Variants in GLIS3 observed in about 807,000 individuals in gnomAD.
GLIS3 encodes the protein GLIS family zinc finger 3, also known as zinc finger protein GLIS3.
Under a neutral mutation model 78.6 loss-of-function variants are expected in GLIS3, and 53 were observed. That is an observed-to-expected ratio of 0.67 (90% confidence interval 0.54 to 0.85). The LOEUF is 0.85. GLIS3 is among the 40% of genes least tolerant of loss of function. GLIS3 has a pLI of 0.00. For missense variants in GLIS3, 1,703 were observed against 1,231.1 expected, an observed-to-expected ratio of 1.38 and a Z score of -5.74; for synonymous variants, 684 against 509.9, an observed-to-expected ratio of 1.34 and a Z score of -4.60.
In GLIS3 at chr9:4,299,622, G is replaced by A. The variant is rs1378603683; in HGVS notation, c.-300C>T. Reference sequence around the variant, plus strand: ...GACGGAGCGCGGAAACCCGGCCCAAGTGCCGTGTGTGCGCGCGCGTCTGCG... The same window carrying A: ...GACGGAGCGCGGAAACCCGGCCCAAATGCCGTGTGTGCGCGCGCGTCTGCG... On this transcript the variant is annotated 5_prime_UTR_variant, in exon 1 of 11. Coordinates refer to ENST00000381971, the MANE Select transcript of GLIS3 (RefSeq NM_001042413.2). 6.6e-6 allele frequency: 1 copy of A among 152,656 alleles called. No individual in the cohort carries two copies. Among genetic ancestry groups the A allele is most frequent in the Non-Finnish European group, 1.5e-5 (1 of 68,094 alleles). The allele number at this position is 152,656 out of a possible 1,614,324, so 9.5% of individuals were successfully genotyped here.
At chr9:4,249,458 A>G (rs1001214557) in intron 2 of GLIS3, among the ~76,000 whole-genome samples, 20 of 152,188 alleles carry the variant, frequency 1.3e-4, no homozygotes, top group African/African-American at 4.8e-4. Flanking sequence ...TGATTTCTGC[A>G]CATTGATTTT....
At chr9:4,061,532 C>T (rs531697191) in intron 4 of GLIS3, among the ~76,000 whole-genome samples, 2 of 152,202 alleles carry the variant, frequency 1.3e-5, no homozygotes, top group African/African-American at 4.8e-5. Flanking sequence ...GGAGGACTTT[C>T]CATTCTAGAC....
chr9:4,371,183 C>G, the GLIS3 span, among the ~76,000 whole-genome samples: 1 of 152,198 alleles, frequency 6.6e-6, no homozygotes, highest in Admixed American at 6.5e-5. Context: ...TTGGCAGCTC[C>G]TCTGTTCCTC....
the GLIS3 span, among the ~76,000 whole-genome samples, chr9:4,401,283 G>C: frequency 6.6e-6 from 1 of 152,170 alleles, no homozygotes; most frequent in Non-Finnish European, 1.5e-5. Context: ...TTTTGAGACA[G>C]AGTTTCACTC....
chr9:4,112,589 G>A (rs974438650), intron 4 of GLIS3, among the ~76,000 whole-genome samples: 7 of 152,272 alleles, frequency 4.6e-5, no homozygotes, highest in African/African-American at 1.4e-4. Context: ...GATGATTCCA[G>A]TGTCAGCCAG....
intron 6 of GLIS3, among the ~76,000 whole-genome samples, chr9:3,913,307 C>T (rs948556261): frequency 5.3e-5 from 8 of 152,184 alleles, no homozygotes; most frequent in Non-Finnish European, 8.8e-5. Context: ...CAATGGAGAG[C>T]ACTTGCTTTT....
intron 2 of GLIS3, among the ~76,000 whole-genome samples, chr9:4,332,412 C>G (rs1249534485): frequency 6.6e-6 from 1 of 152,220 alleles, no homozygotes; most frequent in Non-Finnish European, 1.5e-5. Flanking sequence ...AGACTAACAT[C>G]CCTGCCTTCC....
intron 4 of GLIS3, among the ~76,000 whole-genome samples, chr9:4,114,977 T>C (rs554457728): frequency 6.6e-6 from 1 of 152,342 alleles, no homozygotes; most frequent in East Asian, 1.9e-4. Flanking sequence ...CAGGGAGTTA[T>C]GGTCAGAGAT....
intron 1 of GLIS3, among the ~76,000 whole-genome samples, chr9:4,293,563 G>A (rs373875561): frequency 2.6e-5 from 4 of 152,302 alleles, no homozygotes; most frequent in Non-Finnish European, 4.4e-5. Context: ...GGAATCTATC[G>A]GTCATGCTGA....
intron 4 of GLIS3, among the ~76,000 whole-genome samples, chr9:3,974,681 T>G (rs560309485): frequency 3.3e-5 from 5 of 152,148 alleles, no homozygotes; most frequent in Non-Finnish European, 7.4e-5. Context: ...ATTCATATTT[T>G]TTTTTCCACC....
chr9:3,875,049 G>A (rs1220329102), intron 8 of GLIS3, among the ~76,000 whole-genome samples: 2 of 152,162 alleles, frequency 1.3e-5, no homozygotes, highest in Non-Finnish European at 1.5e-5. Flanking sequence ...TAAAATTTCT[G>A]CATTTCAAAA....
At chr9:4,396,457 C>T in the GLIS3 span, among the ~76,000 whole-genome samples, 2 of 152,292 alleles carry the variant, frequency 1.3e-5, no homozygotes, top group African/African-American at 2.4e-5. Flanking sequence ...CAGATACAAA[C>T]ATTTCATCAT....
chr9:4,308,791 A>G (rs1040017126), exon 4 of GLIS3: 1 of 152,238 alleles, frequency 6.6e-6, no homozygotes, highest in Admixed American at 6.5e-5. Context: ...GATGGCTCCT[A>G]CAGTCAAACT....
At chr9:4,073,382 TC>T (rs1429097387) in intron 4 of GLIS3, among the ~76,000 whole-genome samples, 3 of 152,168 alleles carry the variant, frequency 2.0e-5, no homozygotes, top group Non-Finnish European at 4.4e-5. Flanking sequence ...ATTCAGAAGA[TC>T]TTGGATGGAG....
At chr9:3,903,312 A>T (rs573609912) in intron 6 of GLIS3, among the ~76,000 whole-genome samples, 16 of 152,366 alleles carry the variant, frequency 1.1e-4, no homozygotes, top group African/African-American at 3.8e-4. Flanking sequence ...AGGTTAAAAA[A>T]TTTCAGTCTA....
chr9:3,896,870 A>T (rs1588172636), intron 7 of GLIS3, among the ~76,000 whole-genome samples: 1 of 152,058 alleles, frequency 6.6e-6, no homozygotes, highest in South Asian at 2.1e-4. Context: ...TAGGAGGCAA[A>T]CCTACCACAG....
intron 4 of GLIS3, among the ~76,000 whole-genome samples, chr9:3,976,610 T>A (rs1013779162): frequency 1.3e-5 from 2 of 151,330 alleles, no homozygotes; most frequent in Admixed American, 1.3e-4. Context: ...ATTTAGAACA[T>A]CTGGATGAAT....
At chr9:3,869,794 G>A (rs1456087964) in intron 8 of GLIS3, among the ~76,000 whole-genome samples, 2 of 152,138 alleles carry the variant, frequency 1.3e-5, no homozygotes, top group African/African-American at 4.8e-5. Context: ...TAAGGTTCCT[G>A]CTCACCAAAA....
At chr9:4,420,990 G>C in the GLIS3 span, among the ~76,000 whole-genome samples, 531 of 152,222 alleles carry the variant, frequency 3.5e-3, 3 homozygotes, top group Middle Eastern at 0.014. Context: ...TTTTAAAAAA[G>C]TGTCTGCTAC....
Sources: allele counts gnomAD v4.1 joint callset (sites outside exome capture counted in the v4.1 genomes callset), GRCh38; gene constraint gnomAD v4.1.1; transcripts MANE v1.5; gene names NCBI Gene and HGNC (gene_info 2026-07-23, HGNC 2026-07-21).